The following GBE1 variants were observed in gnomAD, a reference collection of about 807,000 sequenced individuals.
GBE1 encodes 1,4-alpha-glucan branching enzyme 1, also known as 1,4-alpha-glucan-branching enzyme.
In GBE1, 70 loss-of-function variants were observed where a neutral mutation model predicts 88.8. That is an observed-to-expected ratio of 0.79 (90% CI 0.65 to 0.96). The LOEUF is 0.96. Ranked by LOEUF, GBE1 falls within the 40% of genes least tolerant of loss-of-function variation. The pLI, the probability that GBE1 is intolerant of heterozygous loss-of-function variation, is 0.00. For missense variants in GBE1, 872 were observed against 871.0 expected (o/e 1.00, Z -0.01); for synonymous variants, 284 against 300.1 (o/e 0.95, Z 0.56).
chr3:81,538,187 T>A (rs550950905), intron 12 of GBE1, among the ~76,000 whole-genome samples: 227 of 152,102 alleles, frequency 1.5e-3, no homozygotes, highest in African/African-American at 5.3e-3. Context: ...TTAGAAAGTA[T>A]CATAGCCAAT....
rs1352893898 is a variant in GBE1 at position 81,761,563 on chromosome 3, G to T, written c.-46C>A. On this transcript the variant is annotated 5_prime_UTR_variant, in exon 1 of 16. Transcript: ENST00000429644. ...GCCGAGGCCCGAGAGGTCGAGTGGG[G>T]CCTGAGCGGGCGCTGGAGCTCTAGC... The T allele has an allele frequency of 1.3e-6, 2 of 1,564,902 alleles. No homozygotes were observed. Among genetic ancestry groups the T allele is most frequent in the East Asian group, 2.4e-5 (1 of 42,230 alleles).
At chr3:81,647,405 T>C (rs1263197306) in intron 5 of GBE1, among the ~76,000 whole-genome samples, 1 of 152,204 alleles carries the variant, frequency 6.6e-6, no homozygotes, top group East Asian at 1.9e-4. Flanking sequence ...GAATATGTTT[T>C]GCTCTAACAG....
At chr3:81,672,813 C>T (rs1705206642) in intron 2 of GBE1, among the ~76,000 whole-genome samples, 1 of 151,876 alleles carries the variant, frequency 6.6e-6, no homozygotes, top group African/African-American at 2.4e-5. Flanking sequence ...GTCGCTAAGA[C>T]ATTACATTCT....
chr3:81,505,760 G>C lies in GBE1; in HGVS notation c.1935-6533C>G, dbSNP rs73853347. ...GTGGTCGGGGGGTGTGTGTCTATGT[G>C]TGTGTGTATTTGTGTATCTTATTTA... is the stretch of plus-strand genomic sequence containing the variant. On this transcript the variant is annotated intron_variant, in intron 14 of 15. Coordinates refer to ENST00000429644, the MANE Select transcript of GBE1 (RefSeq NM_000158.4). Among the ~76,000 whole-genome samples the C allele has an allele frequency of 9.1e-3, 1,391 of 152,058 alleles. 28 individuals are homozygous for C. Among genetic ancestry groups the C allele is most frequent in the African/African-American group, 0.032 (1,333 of 41,474 alleles).
At position 81,648,937 on chromosome 3, in the gene GBE1, C is replaced by A. The variant is rs2107072252; in HGVS notation, c.610G>T (p.Val204Leu). 6.3e-7 allele frequency: 1 copy of A among 1,580,844 alleles called. No individual in the cohort carries two copies. Among genetic ancestry groups the A allele is most frequent in the East Asian group, 2.3e-5 (1 of 44,278 alleles). Residue 204 changes from valine to leucine, a missense_variant, in exon 5 of 16, where the codon GTG becomes TTG. Val to Leu is a conservative substitution (Grantham distance 32). Coordinates refer to ENST00000429644, the MANE Select transcript of GBE1 (RefSeq NM_000158.4). ...PRSLRIYESH[V>L]GISSHEGKVA... is the part of the protein sequence containing the mutation. ...TTTCCTTCATGGGAAGAAATTCCCA[C>A]ATGAGATTCATAAATTCTTAGACTC...
intron 7 of GBE1, 103 bp downstream of exon 7, chr3:81,642,678 A>G: frequency 1.9e-5 from 14 of 737,338 alleles, no homozygotes; most frequent in Non-Finnish European, 3.3e-5. Flanking sequence ...TAAGAACATT[A>G]AGTACCAGTG....
At chr3:81,566,167 C>A (rs1472431894) in intron 12 of GBE1, among the ~76,000 whole-genome samples, 1 of 152,188 alleles carries the variant, frequency 6.6e-6, no homozygotes, top group African/African-American at 2.4e-5. Context: ...AACTTCTGTT[C>A]TAAAACAGGA....
intron 14 of GBE1, among the ~76,000 whole-genome samples, chr3:81,503,105 A>T (rs1025733056): frequency 2.0e-5 from 3 of 152,202 alleles, no homozygotes; most frequent in African/African-American, 7.2e-5. Context: ...TTTATAATTG[A>T]GGAAAGTACA....
intron 14 of GBE1, among the ~76,000 whole-genome samples, chr3:81,527,750 C>A (rs1702961587): frequency 6.6e-6 from 1 of 151,974 alleles, no homozygotes; most frequent in Non-Finnish European, 1.5e-5. Context: ...GAAATAGGAA[C>A]ACTTTTACAC....
intron 15 of GBE1, among the ~76,000 whole-genome samples, chr3:81,492,733 C>G (rs1367941530): frequency 2.1e-5 from 3 of 139,916 alleles, no homozygotes; most frequent in Non-Finnish European, 4.6e-5. Flanking sequence ...TCCTTCCTTC[C>G]TTTTCTTTCT....
intron 12 of GBE1, among the ~76,000 whole-genome samples, chr3:81,546,569 A>C (rs767251620): frequency 2.6e-5 from 4 of 151,216 alleles, no homozygotes; most frequent in Non-Finnish European, 5.9e-5. Flanking sequence ...AAGCCAGCTA[A>C]AACCCACCAA....
intron 7 of GBE1, among the ~76,000 whole-genome samples, chr3:81,597,017 G>T (rs1262142734): frequency 6.6e-6 from 1 of 151,904 alleles, no homozygotes; most frequent in African/African-American, 2.4e-5. Context: ...AGAAAGAGGA[G>T]TTATGAATTA....
intron 3 of GBE1, among the ~76,000 whole-genome samples, chr3:81,657,144 AAAAAC>A (rs1287103855): frequency 1.3e-5 from 2 of 151,238 alleles, no homozygotes; most frequent in Admixed American, 6.6e-5. Context: ...CAAAAAAAAA[AAAAAC>A]AAAACAAAAA....
At chr3:81,705,743 AATTTC>A in intron 1 of GBE1, 130 bp from the exon 2 acceptor site, 1 of 539,160 alleles carries the variant, frequency 1.9e-6, no homozygotes, top group South Asian at 4.0e-5. Flanking sequence ...TAATATAAAT[AATTTC>A]ATTTATTAGT....
At chr3:81,677,871 G>A (rs1705283897) in intron 2 of GBE1, among the ~76,000 whole-genome samples, 1 of 152,070 alleles carries the variant, frequency 6.6e-6, no homozygotes, top group Non-Finnish European at 1.5e-5. Context: ...GCTTAGGTGT[G>A]GTTTTCAAGA....
intron 15 of GBE1, among the ~76,000 whole-genome samples, 162 bp downstream of exon 15, chr3:81,498,948 A>T (rs1702549943): frequency 6.6e-6 from 1 of 152,178 alleles, no homozygotes; most frequent in African/African-American, 2.4e-5. Flanking sequence ...CAATTTTTAC[A>T]CACATTACAT....
rs1301916229 is a variant in GBE1 at position 81,750,621 on chromosome 3, A to G, written c.143+10754T>C. 8.1e-4 allele frequency among the ~76,000 whole-genome samples: 56 copies of G among 69,426 alleles called. 6 individuals are homozygous for G. Among genetic ancestry groups the G allele is most frequent in the African/African-American group, 4.6e-3 (51 of 10,988 alleles). 45.5% of individuals were successfully genotyped at this position (69,426 alleles called of 152,430 possible). A position where few individuals can be genotyped will look rare whatever the true frequency, so the allele number is the denominator to read the frequency against. On this transcript the variant is annotated intron_variant, in intron 1 of 15. Transcript: ENST00000429644. ...TATATGTGTATATATATATATGTAT[A>G]TATATATACGTATATATATATATGT...
intron 2 of GBE1, among the ~76,000 whole-genome samples, chr3:81,696,874 AAAAACTC>A (rs2107154331): frequency 6.6e-6 from 1 of 152,324 alleles, no homozygotes; most frequent in South Asian, 2.1e-4. Context: ...CCATACCAGG[AAAAACTC>A]TCTCAAACCA....
At chr3:81,621,137 A>G (rs1187133330) in intron 7 of GBE1, among the ~76,000 whole-genome samples, 1 of 152,174 alleles carries the variant, frequency 6.6e-6, no homozygotes, top group African/African-American at 2.4e-5. Context: ...GACACCACTG[A>G]ATGTTTTCCA....
Sources: gnomAD v4.1 joint callset for allele counts (sites outside exome capture counted in the v4.1 genomes callset) on GRCh38, gnomAD v4.1.1 for gene constraint, MANE v1.5 for transcripts, NCBI Gene and HGNC (gene_info 2026-07-23, HGNC 2026-07-21) for gene names.